The following CTNNA3 variants were observed in gnomAD, a reference collection of about 807,000 sequenced individuals.
The protein encoded by CTNNA3 is catenin alpha-3.
Under a neutral mutation model 95.7 loss-of-function variants are expected in CTNNA3, and 76 were observed. That is an observed-to-expected ratio of 0.79 (90% CI 0.66 to 0.96). The LOEUF (loss-of-function observed/expected upper bound fraction) is 0.96, where lower values mean the gene tolerates loss of function less well. Ranked by LOEUF, CTNNA3 falls within the 40% of genes least tolerant of loss-of-function variation. CTNNA3 has a pLI of 0.00. For synonymous variants in CTNNA3, 431 were observed against 374.4 expected, an observed-to-expected ratio of 1.15 and a Z score of -1.74; for missense variants, 1,191 against 1,089.8, an observed-to-expected ratio of 1.09 and a Z score of -1.31.
chr10:67,358,051 A>C (rs756895479), intron 5 of CTNNA3, among the ~76,000 whole-genome samples: 18 of 152,172 alleles, frequency 1.2e-4, no homozygotes, highest in Non-Finnish European at 2.5e-4. Context: ...TAATATTTTC[A>C]ATAAGCCATG....
chr10:67,693,955 C>A (rs553785390), intron 1 of CTNNA3, among the ~76,000 whole-genome samples: 1 of 152,300 alleles, frequency 6.6e-6, no homozygotes, highest in African/African-American at 2.4e-5. Flanking sequence ...TGCCCTCTAT[C>A]CCTTTTCTTT....
chr10:67,573,459 A>G (rs956571052), intron 3 of CTNNA3, among the ~76,000 whole-genome samples: 1 of 152,122 alleles, frequency 6.6e-6, no homozygotes, highest in Non-Finnish European at 1.5e-5. Flanking sequence ...TTGAAATCAG[A>G]CTATGAGACA....
At chr10:65,993,656 TAG>T (rs2078589545) in intron 15 of CTNNA3, among the ~76,000 whole-genome samples, 1 of 152,220 alleles carries the variant, frequency 6.6e-6, no homozygotes, top group Non-Finnish European at 1.5e-5. Context: ...GTGAGTTTCT[TAG>T]AGGCAGCAGA....
At chr10:65,992,869 A>G (rs1261003086) in intron 15 of CTNNA3, among the ~76,000 whole-genome samples, 1 of 151,920 alleles carries the variant, frequency 6.6e-6, no homozygotes, top group East Asian at 1.9e-4. Flanking sequence ...TTATAGTAGG[A>G]ATTTATTGCT....
chr10:67,201,250 C>T (rs531970249), intron 6 of CTNNA3, among the ~76,000 whole-genome samples: 1 of 152,320 alleles, frequency 6.6e-6, no homozygotes, highest in South Asian at 2.1e-4. Context: ...TATAATGCAA[C>T]TACCTTTTTC....
chr10:67,746,029 C>A (rs1841373430), intron 1 of CTNNA3, among the ~76,000 whole-genome samples: 1 of 152,182 alleles, frequency 6.6e-6, no homozygotes, highest in African/African-American at 2.4e-5. Flanking sequence ...AATGCAACCA[C>A]TATCGAAATA....
chr10:67,549,714 G>GA (rs1352655744), intron 3 of CTNNA3, among the ~76,000 whole-genome samples: 1 of 151,850 alleles, frequency 6.6e-6, no homozygotes, highest in African/African-American at 2.4e-5. Flanking sequence ...TAAAGGTTGG[G>GA]AAAAAATCAA....
chr10:66,631,286 A>G (rs1296744740), intron 9 of CTNNA3, among the ~76,000 whole-genome samples: 4 of 152,312 alleles, frequency 2.6e-5, no homozygotes, highest in East Asian at 3.9e-4. Flanking sequence ...TTTACTGCTT[A>G]TGTAACTGAT....
chr10:66,991,825 C>T (rs140171629), intron 7 of CTNNA3, among the ~76,000 whole-genome samples: 146 of 152,212 alleles, frequency 9.6e-4, no homozygotes, highest in African/African-American at 3.2e-3. Flanking sequence ...TGTATATATG[C>T]CAGAATAATA....
At chr10:67,332,777 T>C (rs953495293) in intron 5 of CTNNA3, among the ~76,000 whole-genome samples, 3 of 151,690 alleles carry the variant, frequency 2.0e-5, no homozygotes, top group African/African-American at 7.3e-5. Flanking sequence ...GTATTTCTCC[T>C]ACAGCTCTAA....
intron 13 of CTNNA3, among the ~76,000 whole-genome samples, chr10:66,174,261 T>C (rs914430536): frequency 2.0e-5 from 3 of 152,136 alleles, no homozygotes; most frequent in African/African-American, 4.8e-5. Flanking sequence ...TTTAGAGACA[T>C]TTTGGAAAAA....
intron 13 of CTNNA3, among the ~76,000 whole-genome samples, chr10:66,273,019 CA>C (rs1457969197): frequency 6.6e-6 from 1 of 152,124 alleles, no homozygotes; most frequent in Non-Finnish European, 1.5e-5. Flanking sequence ...AAACTAATAC[CA>C]GTTTCTTTTT....
At chr10:66,828,497 C>G (rs966818177) in intron 7 of CTNNA3, among the ~76,000 whole-genome samples, 2 of 152,156 alleles carry the variant, frequency 1.3e-5, no homozygotes, top group African/African-American at 4.8e-5. Flanking sequence ...AAGCAGAAAC[C>G]ATTCTTTTTT....
chr10:67,541,759 T>C (rs908557059), intron 3 of CTNNA3, among the ~76,000 whole-genome samples: 17 of 152,222 alleles, frequency 1.1e-4, no homozygotes, highest in African/African-American at 3.8e-4. Flanking sequence ...GTGGGTGATT[T>C]TCATCTGCTT....
chr10:66,910,673 C>A (rs1846186083), intron 7 of CTNNA3, among the ~76,000 whole-genome samples: 1 of 152,170 alleles, frequency 6.6e-6, no homozygotes, highest in African/African-American at 2.4e-5. Context: ...TAAGCTAGAG[C>A]TGTGAGGCAG....
intron 1 of CTNNA3, among the ~76,000 whole-genome samples, chr10:67,670,099 T>C (rs1840403376): frequency 6.6e-6 from 1 of 151,952 alleles, no homozygotes; most frequent in Non-Finnish European, 1.5e-5. Context: ...TAAGAAAAAA[T>C]AGAAACCTCT....
Position 66,736,107 on chromosome 10 carries a change from C to A in CTNNA3, c.1281+30157G>T, listed in dbSNP as rs144574948. Among the ~76,000 whole-genome samples the A allele has an allele frequency of 4.7e-3, 721 of 152,292 alleles. 8 individuals are homozygous for A. The highest frequency in any genetic ancestry group is 0.017 in the African/African-American group (686 of 41,566). On this transcript the variant is annotated intron_variant, in intron 9 of 17. Coordinates refer to ENST00000433211, the MANE Select transcript of CTNNA3 (RefSeq NM_013266.4). ...CAACAACGACCCAGCCTCTCTTATT[C>A]AACGTGCTGGGAAACAAACATTTAT...
chr10:66,165,148 A>C (rs1224348536), intron 13 of CTNNA3, among the ~76,000 whole-genome samples: 1 of 152,136 alleles, frequency 6.6e-6, no homozygotes, highest in Non-Finnish European at 1.5e-5. Flanking sequence ...TGCTATCCTA[A>C]GTGAATTAAG....
chr10:66,331,338 G>GCTTGCCTTTTTT (rs1417713676), intron 12 of CTNNA3, among the ~76,000 whole-genome samples: 1 of 39,116 alleles, frequency 2.6e-5, no homozygotes, highest in Non-Finnish European at 5.9e-5. Context: ...TTTCCCCATT[G>GCTTGCCTTTTTT]TTTGTTTTTT....
Sources: gnomAD v4.1 joint callset for allele counts (sites outside exome capture counted in the v4.1 genomes callset) on GRCh38, gnomAD v4.1.1 for gene constraint, MANE v1.5 for transcripts, NCBI Gene and HGNC (gene_info 2026-07-23, HGNC 2026-07-21) for gene names.